The following FRMPD4 variants were observed in gnomAD, a reference collection of about 807,000 sequenced individuals.
FRMPD4 encodes the protein FERM and PDZ domain-containing protein 4.
Under a neutral mutation model 94.1 loss-of-function variants are expected in FRMPD4, and 22 were observed. The observed-to-expected ratio is 0.23, with a 90% CI of 0.17 to 0.33. The LOEUF (loss-of-function observed/expected upper bound fraction) is 0.33, where lower values mean the gene tolerates loss of function less well. Ranked by LOEUF, FRMPD4 falls within the 10% of genes least tolerant of loss-of-function variation. The pLI, the probability that FRMPD4 is intolerant of heterozygous loss-of-function variation, is 1.00. For synonymous variants in FRMPD4, 631 were observed against 548.6 expected (o/e 1.15, Z -2.10); for missense variants, 1,111 against 1,339.9 (o/e 0.83, Z 2.67).
At chrX:12,261,839 C>T (rs1249193665) in intron 1 of FRMPD4, among the ~76,000 whole-genome samples, 1 of 111,699 alleles carries the variant, frequency 9.0e-6, no homozygotes, top group Non-Finnish European at 1.9e-5. Context: ...TATTCAAAAG[C>T]ACAAATGTCA....
intron 14 of FRMPD4, 22 bp downstream of exon 14, chrX:12,710,559 C>G: frequency 8.5e-7 from 1 of 1,170,697 alleles, no homozygotes; most frequent in Non-Finnish European, 1.2e-6. Context: ...CTGAACTCAT[C>G]AAGCACTGAC....
At chrX:12,254,323 G>C (rs1383894641) in intron 1 of FRMPD4, among the ~76,000 whole-genome samples, 2 of 112,381 alleles carry the variant, frequency 1.8e-5, no homozygotes, top group African/African-American at 6.5e-5. Context: ...CTAGTCCTGA[G>C]GCTGGTGGTT....
rs185847757 is a variant in FRMPD4, at chrX:11,979,749, A to G, written c.95+101731A>G. ...TTATTGATTTGGAGGATTTGTGCAT[A>G]TATTCTGGATAATAAGTCCTTGTCT... On this transcript the variant is annotated intron_variant, in intron 3 of 18. Coordinates refer to the FRMPD4 transcript ENST00000640291. 7.9e-3 allele frequency among the ~76,000 whole-genome samples: 879 copies of G among 110,680 alleles called. 3 individuals are homozygous for G. Among genetic ancestry groups the G allele is most frequent in the Middle Eastern group, 0.014 (3 of 217 alleles).
intron 1 of FRMPD4, among the ~76,000 whole-genome samples, chrX:12,349,984 A>G (rs777743304): frequency 3.3e-4 from 37 of 111,891 alleles, no homozygotes; most frequent in Non-Finnish European, 5.1e-4. Context: ...GAAATTGACA[A>G]TGGAGCAGGA....
intron 3 of FRMPD4, among the ~76,000 whole-genome samples, chrX:12,060,122 T>C (rs1469090786): frequency 9.0e-6 from 1 of 111,363 alleles, no homozygotes; most frequent in Non-Finnish European, 1.9e-5. Flanking sequence ...AGATACCCAG[T>C]AGTGGGATTG....
intron 2 of FRMPD4, among the ~76,000 whole-genome samples, chrX:12,563,885 G>C (rs1403210553): frequency 8.9e-6 from 1 of 112,259 alleles, no homozygotes; most frequent in Non-Finnish European, 1.9e-5. Context: ...TCTTTAAGAT[G>C]ATTGTTGGAG....
intron 3 of FRMPD4, among the ~76,000 whole-genome samples, chrX:12,133,356 G>A (rs1420756981): frequency 9.1e-6 from 1 of 110,321 alleles, no homozygotes; most frequent in Non-Finnish European, 1.9e-5. Context: ...TCAGGCCTGA[G>A]CTACTGCACC....
intron 3 of FRMPD4, among the ~76,000 whole-genome samples, chrX:12,003,400 T>A (rs1440743595): frequency 9.0e-6 from 1 of 110,673 alleles, no homozygotes; most frequent in Non-Finnish European, 1.9e-5. Context: ...TGTGTGTGTG[T>A]GTGTGTGTGT....
intron 3 of FRMPD4, among the ~76,000 whole-genome samples, chrX:12,028,101 G>A (rs747060269): frequency 1.2e-4 from 13 of 111,961 alleles, no homozygotes; most frequent in Non-Finnish European, 1.9e-4. Flanking sequence ...TGCTCAGCAC[G>A]TCACAAGCTT....
At chrX:12,290,737 G>T (rs2054672688) in intron 1 of FRMPD4, among the ~76,000 whole-genome samples, 1 of 111,839 alleles carries the variant, frequency 8.9e-6, no homozygotes. Context: ...GCAGCAAGAT[G>T]TATGTGTATC....
At chrX:11,924,448 C>T (rs185647492) in intron 3 of FRMPD4, among the ~76,000 whole-genome samples, 1 of 111,339 alleles carries the variant, frequency 9.0e-6, no homozygotes, top group African/African-American at 3.3e-5. Flanking sequence ...CCCAAGGACA[C>T]ATAATCATCA....
At chrX:12,188,535 A>G (rs985256254) in intron 1 of FRMPD4, among the ~76,000 whole-genome samples, 5 of 112,106 alleles carry the variant, frequency 4.5e-5, no homozygotes, top group African/African-American at 1.6e-4. Context: ...ATGTTCAAAG[A>G]TATTTACAAG....
intron 2 of FRMPD4, among the ~76,000 whole-genome samples, chrX:12,566,158 G>A (rs1035926655): frequency 9.0e-6 from 1 of 111,595 alleles, no homozygotes; most frequent in Admixed American, 9.5e-5. Context: ...AGAATGTCTG[G>A]CTACAGAAAC....
intron 3 of FRMPD4, among the ~76,000 whole-genome samples, chrX:12,030,951 T>A (rs1340233239): frequency 8.9e-6 from 1 of 112,001 alleles, no homozygotes; most frequent in African/African-American, 3.2e-5. Context: ...TGATTGATAA[T>A]GTTTATAAAA....
intron 2 of FRMPD4, among the ~76,000 whole-genome samples, chrX:12,595,597 C>T (rs1467276309): frequency 1.8e-5 from 2 of 112,020 alleles, no homozygotes; most frequent in Non-Finnish European, 3.8e-5. Flanking sequence ...AAAATTTGAG[C>T]TATTGTGAGC....
intron 3 of FRMPD4, 119 bp downstream of exon 3, chrX:12,610,000 C>T: frequency 3.0e-6 from 2 of 673,176 alleles, no homozygotes; most frequent in Non-Finnish European, 4.4e-6. Flanking sequence ...TTTTCCAAAA[C>T]CTGGATAGAG....
chrX:12,000,250 C>A (rs2054517744), intron 3 of FRMPD4, among the ~76,000 whole-genome samples: 1 of 111,537 alleles, frequency 9.0e-6, no homozygotes, highest in Non-Finnish European at 1.9e-5. Context: ...TAATTTGCCC[C>A]AATTAATTTT....
chrX:12,408,835 G>C (rs1170486445), intron 1 of FRMPD4, among the ~76,000 whole-genome samples: 1 of 111,924 alleles, frequency 8.9e-6, no homozygotes, highest in Non-Finnish European at 1.9e-5. Context: ...ACCTTGTTCA[G>C]CAACTCAGGA....
chrX:12,462,404 T>G (rs2057400348), intron 1 of FRMPD4, among the ~76,000 whole-genome samples: 1 of 112,095 alleles, frequency 8.9e-6, no homozygotes, highest in Admixed American at 9.4e-5. Flanking sequence ...TTTTTGTATT[T>G]TTTTCATATG....
Sources: allele counts gnomAD v4.1 joint callset (sites outside exome capture counted in the v4.1 genomes callset), GRCh38; gene constraint gnomAD v4.1.1; transcripts MANE v1.5; gene names NCBI Gene and HGNC (gene_info 2026-07-23, HGNC 2026-07-21).